Variants in NREP observed in about 807,000 individuals in gnomAD.
NREP encodes the protein neuronal regeneration-related protein.
NREP carries 5 observed loss-of-function variants against 8.6 expected under a neutral mutation model. The observed-to-expected ratio is 0.58, with a 90% CI of 0.30 to 1.22. NREP has a LOEUF of 1.22. Among genes scored for constraint, NREP ranks in the 50% most tolerant of loss-of-function variants. The probability of loss-of-function intolerance (pLI) is 0.07; values close to 1 mark genes in which losing one functional copy is unlikely to be tolerated. For missense variants in NREP, 86 were observed against 82.5 expected, an observed-to-expected ratio of 1.04 and a Z score of -0.17; for synonymous variants, 27 against 28.0, an observed-to-expected ratio of 0.96 and a Z score of 0.11.
chr5:111,742,939 T>A (rs1438754984), intron 2 of NREP, among the ~76,000 whole-genome samples: 1 of 152,154 alleles, frequency 6.6e-6, no homozygotes, highest in African/African-American at 2.4e-5. Flanking sequence ...GTCAGCCTGG[T>A]ACAGTAATCG....
chr5:111,835,749 G>A (rs1356193906), intron 2 of NREP, among the ~76,000 whole-genome samples: 1 of 152,052 alleles, frequency 6.6e-6, no homozygotes, highest in Non-Finnish European at 1.5e-5. Context: ...TTTTGAGCCT[G>A]TTTATATGCT....
intron 2 of NREP, among the ~76,000 whole-genome samples, chr5:111,877,393 C>T (rs935692022): frequency 6.6e-6 from 1 of 152,196 alleles, no homozygotes; most frequent in Non-Finnish European, 1.5e-5. Context: ...ACCCTCTATA[C>T]CTGTGATTCT....
At chr5:111,800,797 A>G (rs2112903714) in intron 2 of NREP, among the ~76,000 whole-genome samples, 1 of 152,368 alleles carries the variant, frequency 6.6e-6, no homozygotes, top group South Asian at 2.1e-4. Context: ...AAGAAATTGC[A>G]AAAACAGAAA....
rs1300485726 is a variant in NREP at position 111,819,518 on chromosome 5, T to A, written c.136-84011A>T. 3.3e-5 allele frequency among the ~76,000 whole-genome samples: 5 copies of A among 152,328 alleles called. No individual in the cohort carries two copies. In the East Asian group the frequency reaches 9.6e-4, roughly 29 times the overall value. ...AATTAATGTTCGAGCACTATTTCTTTGCAGCACCAAGGAACAAGCATTTTG... is the reference window on the plus strand; with the variant it reads ...AATTAATGTTCGAGCACTATTTCTTAGCAGCACCAAGGAACAAGCATTTTG... On this transcript the variant is annotated intron_variant, in intron 2 of 3. Coordinates refer to the NREP transcript ENST00000395634.
In NREP at chr5:111,975,343, G is replaced by C. The variant is rs114287919; in HGVS notation, c.66C>G (p.Ser22Arg). 7,628 of 1,551,590 alleles carry C rather than the reference G, an allele frequency of 4.9e-3. 36 individuals are homozygous for C. Among genetic ancestry groups the C allele is most frequent in the Non-Finnish European group, 5.2e-3 (5,979 of 1,146,902 alleles). Residue 22 changes from serine to arginine, a missense_variant, in exon 2 of 4, where the codon AGC (serine) becomes AGG (arginine). Ser to Arg is a moderately radical substitution (Grantham distance 110). Coordinates refer to the NREP transcript ENST00000395634. ...AACAAGGGACTCTGTCTGTCATCCTGCTCCTCTGGGTTCGTGTTTCATCTT... is the reference window on the plus strand; with the variant it reads ...AACAAGGGACTCTGTCTGTCATCCTCCTCCTCTGGGTTCGTGTTTCATCTT...
intron 2 of NREP, among the ~76,000 whole-genome samples, chr5:111,937,500 C>T (rs1196401508): frequency 3.9e-5 from 6 of 152,014 alleles, no homozygotes; most frequent in Non-Finnish European, 1.5e-5. Context: ...TCCTCTCTTC[C>T]CTGAACTTGC....
At chr5:111,763,598 C>T (rs1038266877) in intron 2 of NREP, among the ~76,000 whole-genome samples, 13 of 152,306 alleles carry the variant, frequency 8.5e-5, no homozygotes, top group Non-Finnish European at 1.5e-4. Context: ...TATCCTACCA[C>T]GCAAAACAGA....
rs1754417989 is a variant in NREP at position 111,892,514 on chromosome 5, T to A, written c.135+82760A>T. On this transcript the variant is annotated intron_variant, in intron 2 of 3. Transcript: ENST00000395634. ...TGATCATCTAAACAATTTTATTTTT[T>A]CATTATGTTTATATGTTACTTAAAT... is the stretch of plus-strand genomic sequence containing the variant. Among the ~76,000 whole-genome samples, 2 of 152,210 alleles carry A rather than the reference T, an allele frequency of 1.3e-5. 1 individual carries two copies. Among genetic ancestry groups the A allele is most frequent in the South Asian group, 4.1e-4 (2 of 4,832 alleles).
intron 2 of NREP, among the ~76,000 whole-genome samples, chr5:111,735,732 TAAAGCAG>T (rs1241971531): frequency 1.3e-5 from 2 of 152,178 alleles, no homozygotes; most frequent in Non-Finnish European, 2.9e-5. Context: ...TTAAGTCCAA[TAAAGCAG>T]AGATATCAAT....
At chr5:111,931,465 T>C (rs1273882586) in intron 2 of NREP, among the ~76,000 whole-genome samples, 1 of 152,056 alleles carries the variant, frequency 6.6e-6, no homozygotes, top group Admixed American at 6.6e-5. Flanking sequence ...CGATAGTAGG[T>C]CAGTCATACT....
At chr5:111,870,531 A>C (rs748622165) in intron 2 of NREP, among the ~76,000 whole-genome samples, 20 of 152,212 alleles carry the variant, frequency 1.3e-4, no homozygotes, top group Non-Finnish European at 2.2e-4. Context: ...TCATTGGTAA[A>C]ATTAAAAGGT....
intron 2 of NREP, among the ~76,000 whole-genome samples, chr5:111,783,615 G>A (rs1751544332): frequency 6.6e-6 from 1 of 152,184 alleles, no homozygotes; most frequent in South Asian, 2.1e-4. Flanking sequence ...CTCCATCTGA[G>A]GAAGTTTCCT....
intron 2 of NREP, among the ~76,000 whole-genome samples, chr5:111,963,268 C>A (rs1355839462): frequency 6.6e-6 from 1 of 152,238 alleles, no homozygotes; most frequent in Non-Finnish European, 1.5e-5. Context: ...CACGTACTCC[C>A]TCACACAAGA....
In NREP at chr5:111,947,793, C is replaced by T. The variant is rs140842572; in HGVS notation, c.135+27481G>A. The stretch of plus-strand genomic sequence containing the variant: ...TGTTGTACATAAAGTAGGACATCTT[C>T]GCAAGCAATATTTGATAGCATATTT... On this transcript the variant is annotated intron_variant, in intron 2 of 3. Coordinates refer to the NREP transcript ENST00000395634. Among the ~76,000 whole-genome samples, 8 of 152,066 alleles carry T rather than the reference C, an allele frequency of 5.3e-5. No individual in the cohort carries two copies. The East Asian group carries it at 7.8e-4, about 15-fold the overall frequency.
intron 2 of NREP, among the ~76,000 whole-genome samples, chr5:111,949,436 A>G (rs1756090398): frequency 6.6e-6 from 1 of 151,996 alleles, no homozygotes; most frequent in Non-Finnish European, 1.5e-5. Context: ...ATCCCATCAA[A>G]TGATTTTATT....
intron 2 of NREP, among the ~76,000 whole-genome samples, chr5:111,766,158 C>T (rs778155141): frequency 6.6e-6 from 1 of 152,172 alleles, no homozygotes; most frequent in African/African-American, 2.4e-5. Flanking sequence ...TTCTAAATTA[C>T]ACAACTTGCT....
chr5:111,930,202 G>A (rs1755497585), intron 2 of NREP, among the ~76,000 whole-genome samples: 2 of 152,092 alleles, frequency 1.3e-5, no homozygotes, highest in East Asian at 3.9e-4. Context: ...TAGAAGGGGA[G>A]AGGTGAAACA....
chr5:111,812,093 A>G (rs1009435179), intron 2 of NREP, among the ~76,000 whole-genome samples: 2 of 151,924 alleles, frequency 1.3e-5, no homozygotes, highest in East Asian at 3.9e-4. Flanking sequence ...TTTGAGACAA[A>G]CCTGGGCAAC....
At chr5:111,964,615 C>T (rs1007076727) in intron 2 of NREP, among the ~76,000 whole-genome samples, 5 of 152,008 alleles carry the variant, frequency 3.3e-5, no homozygotes, top group Admixed American at 6.5e-5. Flanking sequence ...AGTGATCCAC[C>T]TGCCTCAGCC....
Sources: gnomAD v4.1 joint callset for allele counts (sites outside exome capture counted in the v4.1 genomes callset) on GRCh38, gnomAD v4.1.1 for gene constraint, MANE v1.5 for transcripts, NCBI Gene and HGNC (gene_info 2026-07-23, HGNC 2026-07-21) for gene names.